NCOR2: variants seen among roughly 807,000 people sequenced by gnomAD.
The protein encoded by NCOR2 is nuclear receptor corepressor 2, also known as CTG repeat protein 26.
In NCOR2, 81 loss-of-function variants were observed where a neutral mutation model predicts 262.9. That is an observed-to-expected ratio of 0.31 (90% CI 0.26 to 0.37). The LOEUF is 0.37. NCOR2 is among the 10% of genes least tolerant of loss of function. The pLI, the probability that NCOR2 is intolerant of heterozygous loss-of-function variation, is 1.00. For synonymous variants in NCOR2, 1,659 were observed against 1,559.3 expected (o/e 1.06, Z -1.51); for missense variants, 3,385 against 3,621.4 (o/e 0.93, Z 1.68).
chr12:124,511,121 T>A (rs2049370129), intron 1 of NCOR2, among the ~76,000 whole-genome samples: 1 of 152,184 alleles, frequency 6.6e-6, no homozygotes, highest in Non-Finnish European at 1.5e-5. Context: ...AAGACCAGTT[T>A]GCAAACAGAG....
At chr12:124,359,396 A>G (rs2038317670) in intron 22 of NCOR2, among the ~76,000 whole-genome samples, 1 of 152,240 alleles carries the variant, frequency 6.6e-6, no homozygotes, top group Non-Finnish European at 1.5e-5. Flanking sequence ...TGCTGTGAGC[A>G]GAGCAGGTGG....
intron 13 of NCOR2, among the ~76,000 whole-genome samples, chr12:124,405,773 G>T (rs56977560): frequency 6.6e-6 from 1 of 152,084 alleles, no homozygotes; most frequent in East Asian, 1.9e-4. Context: ...CCCGGCAGCC[G>T]GCTCAGCCCC....
chr12:124,495,085 T>C lies in NCOR2; in HGVS notation c.105+62A>G. ...CCAGGAGAAAGGAAGGGGTGAAGACTCAGTGGAATGGAAGAAGGGTCTCAA... is the reference window on the plus strand; with the variant it reads ...CCAGGAGAAAGGAAGGGGTGAAGACCCAGTGGAATGGAAGAAGGGTCTCAA... On this transcript the variant is annotated intron_variant, in intron 1 of 46. Coordinates refer to ENST00000405201, the Ensembl canonical transcript of NCOR2. This position sits in a 1 kb window ranked among gnomAD's most constrained non-coding sequence, Gnocchi z 4.4. The C allele has an allele frequency of 6.3e-7, 1 of 1,579,778 alleles. No individual in the cohort carries two copies. The highest frequency in any genetic ancestry group is 8.6e-7 in the Non-Finnish European group (1 of 1,160,446).
Position 124,335,639 on chromosome 12 carries a change from C to T in NCOR2, c.6116-7G>A. ...TAGCTGCTGCCGTGGTAACCTAGGG[C>T]AGGCGGGGGGTGCAGAGTCAGGCAC... On this transcript the variant is annotated splice_polypyrimidine_tract_variant and splice_region_variant and intron_variant, in intron 38 of 46. Coordinates refer to ENST00000405201, the Ensembl canonical transcript of NCOR2. The T allele has an allele frequency of 6.3e-7, 1 of 1,594,114 alleles. No individual in the cohort carries two copies. Among genetic ancestry groups the T allele is most frequent in the Non-Finnish European group, 8.5e-7 (1 of 1,173,748 alleles).
intron 1 of NCOR2, among the ~76,000 whole-genome samples, chr12:124,532,589 G>A (rs1297721142): frequency 7.2e-5 from 11 of 152,158 alleles, no homozygotes; most frequent in Admixed American, 2.6e-4. Context: ...GGATCGCCCC[G>A]GCAGAGGAAG....
chr12:124,538,059 G>A (rs1223650987), upstream of NCOR2: 1 of 152,360 alleles, frequency 6.6e-6, no homozygotes, highest in Non-Finnish European at 1.5e-5. Flanking sequence ...AGCCAGGCCT[G>A]GCAGGCGCTC....
At chr12:124,510,328 C>T (rs368372499) in intron 1 of NCOR2, among the ~76,000 whole-genome samples, 6 of 152,200 alleles carry the variant, frequency 3.9e-5, no homozygotes, top group African/African-American at 7.2e-5. Context: ...AGCAGGGCAG[C>T]GGGAAGATGA....
chr12:124,472,067 G>C (rs1239788431), intron 4 of NCOR2, among the ~76,000 whole-genome samples: 3 of 152,200 alleles, frequency 2.0e-5, no homozygotes, highest in Non-Finnish European at 4.4e-5. Context: ...GCTAGAATTG[G>C]CTGGATTGGC....
intron 22 of NCOR2, among the ~76,000 whole-genome samples, chr12:124,360,449 A>T (rs993782591): frequency 1.3e-5 from 2 of 152,098 alleles, no homozygotes; most frequent in Admixed American, 6.5e-5. Flanking sequence ...CTGCGCTGTG[A>T]CCTCCCGCTG....
chr12:124,452,718 G>A (rs946772896), intron 6 of NCOR2, among the ~76,000 whole-genome samples: 1 of 152,168 alleles, frequency 6.6e-6, no homozygotes, highest in Non-Finnish European at 1.5e-5. Flanking sequence ...ACCGGCTCCC[G>A]GGGGCAGCAA....
chr12:124,481,993 T>C lies in NCOR2; in HGVS notation c.411+1603A>G, dbSNP rs1219264253. On this transcript the variant is annotated intron_variant, in intron 3 of 46. Coordinates refer to ENST00000405201, the Ensembl canonical transcript of NCOR2. The surrounding 1 kb of genome is among the most constrained non-coding windows in gnomAD (Gnocchi z 4.6). Reference sequence around the variant, plus strand: ...GAATTGAGATATTTTAGGGCAGAGGTGTCAGGATTTGCTGATGGACTGGAA... The same window carrying C: ...GAATTGAGATATTTTAGGGCAGAGGCGTCAGGATTTGCTGATGGACTGGAA... Among the ~76,000 whole-genome samples the C allele has an allele frequency of 1.3e-5, 2 of 151,786 alleles. No homozygotes were observed. The highest frequency in any genetic ancestry group is 4.8e-5 in the African/African-American group (2 of 41,278).
chr12:124,333,936 ATG>A (rs537112947), intron 41 of NCOR2, among the ~76,000 whole-genome samples: 67 of 88,342 alleles, frequency 7.6e-4, no homozygotes, highest in African/African-American at 1.8e-3. Flanking sequence ...GTGCGCGCGC[ATG>A]TGTGTGGGTG....
intron 11 of NCOR2, among the ~76,000 whole-genome samples, chr12:124,423,769 T>C (rs1794951): frequency 0.95 from 144,084 of 152,268 alleles, 68,295 homozygotes; most frequent in East Asian, 1. Flanking sequence ...TTCCCCTCCC[T>C]CAATACCTCA....
intron 16 of NCOR2, among the ~76,000 whole-genome samples, chr12:124,388,058 G>A (rs1432798513): frequency 3.3e-5 from 5 of 151,868 alleles, no homozygotes; most frequent in Non-Finnish European, 7.4e-5. Flanking sequence ...AGTGGGAGTG[G>A]GTTGAGGGCA....
chr12:124,429,400 C>G, intron 10 of NCOR2: 1 of 574,512 alleles, frequency 1.7e-6, no homozygotes, highest in South Asian at 2.1e-5. Context: ...GTCCTGCTAC[C>G]CTCCCTCTCA....
intron 13 of NCOR2, among the ~76,000 whole-genome samples, chr12:124,416,569 A>ACCCCGCGGCACAGGGAGT (rs1260730580): frequency 7.7e-6 from 1 of 130,610 alleles, no homozygotes; most frequent in Non-Finnish European, 1.6e-5. Flanking sequence ...GCACAGATAG[A>ACCCCGCGGCACAGGGAGT]CCCCGCGGCA....
intron 16 of NCOR2, chr12:124,388,662 C>A (rs1167853799): frequency 4.6e-6 from 6 of 1,304,150 alleles, no homozygotes; most frequent in African/African-American, 1.5e-5. Flanking sequence ...TCCCCCATCC[C>A]CTCCCCAGGA....
chr12:124,445,198 G>A (rs571547145), intron 7 of NCOR2, among the ~76,000 whole-genome samples: 36 of 152,312 alleles, frequency 2.4e-4, no homozygotes, highest in African/African-American at 7.2e-4. Flanking sequence ...GCCATCTGCC[G>A]CTCATCCCCA....
At chr12:124,439,737 C>CAG (rs138274603) in intron 7 of NCOR2, among the ~76,000 whole-genome samples, 2,761 of 146,440 alleles carry the variant, frequency 0.019, 51 homozygotes, top group East Asian at 0.08. Context: ...AAGAGAGGAT[C>CAG]AGAGAGAGAG....
Sources: gnomAD v4.1 joint callset for allele counts (sites outside exome capture counted in the v4.1 genomes callset) on GRCh38, gnomAD v4.1.1 for gene constraint, Gnocchi (gnomAD v3.1) non-coding constraint, MANE v1.5 for transcripts, NCBI Gene and HGNC (gene_info 2026-07-23, HGNC 2026-07-21) for gene names.